Variants in SCEL observed in about 807,000 individuals in gnomAD.
SCEL encodes the protein sciellin.
A neutral mutation model predicts 117.6 loss-of-function variants in SCEL; 113 were observed. The observed-to-expected ratio is 0.96, with a 90% confidence interval of 0.83 to 1.12. The LOEUF (loss-of-function observed/expected upper bound fraction) is 1.12. Among genes scored for constraint, SCEL ranks in the 50% most tolerant of loss-of-function variants. The pLI, the probability that SCEL is intolerant of heterozygous loss-of-function variation, is 0.00. For synonymous variants in SCEL, 270 were observed against 256.2 expected (o/e 1.05, Z -0.51); for missense variants, 785 against 810.8 (o/e 0.97, Z 0.39).
At chr13:77,634,309 G>T in intron 28 of SCEL, 70 bp from the exon 29 acceptor site, 1 of 1,248,662 alleles carries the variant, frequency 8.0e-7, no homozygotes, top group East Asian at 2.4e-5. Context: ...CATTGAATTA[G>T]AAAATAGCCT....
intron 1 of SCEL, among the ~76,000 whole-genome samples, chr13:77,548,861 C>G (rs1437707808): frequency 6.6e-6 from 1 of 152,158 alleles, no homozygotes; most frequent in Non-Finnish European, 1.5e-5. Flanking sequence ...CCAATTAAAC[C>G]TCTTTCCTTT....
intron 19 of SCEL, among the ~76,000 whole-genome samples, chr13:77,607,035 CTTTAT>C (rs1013490347): frequency 2.0e-5 from 3 of 152,100 alleles, no homozygotes; most frequent in African/African-American, 7.2e-5. Context: ...CTGTGTGGAA[CTTTAT>C]TTTATTTTAT....
At chr13:77,580,298 T>A (rs1023101256) in intron 9 of SCEL, among the ~76,000 whole-genome samples, 2 of 152,246 alleles carry the variant, frequency 1.3e-5, no homozygotes, top group African/African-American at 4.8e-5. Context: ...GAAAGCCTGA[T>A]GCAAAGCGTG....
intron 27 of SCEL, among the ~76,000 whole-genome samples, chr13:77,618,493 T>C (rs1304960118): frequency 1.3e-5 from 2 of 150,812 alleles, no homozygotes; most frequent in African/African-American, 4.8e-5. Context: ...TTTTTTTCTT[T>C]TCTTCTTTTC....
chr13:77,570,644 G>A (rs1480370909), intron 8 of SCEL, among the ~76,000 whole-genome samples: 1 of 152,090 alleles, frequency 6.6e-6, no homozygotes, highest in Non-Finnish European at 1.5e-5. Context: ...CTTTTCTTCT[G>A]TAGTGCATAT....
chr13:77,556,099 A>G (rs1792046475), intron 2 of SCEL, among the ~76,000 whole-genome samples, 181 bp downstream of exon 2: 1 of 152,244 alleles, frequency 6.6e-6, no homozygotes, highest in African/African-American at 2.4e-5. Flanking sequence ...ATGTAATTGG[A>G]ATTCAATTTT....
At chr13:77,598,567 T>A (rs1011242868) in intron 13 of SCEL, among the ~76,000 whole-genome samples, 1 of 152,216 alleles carries the variant, frequency 6.6e-6, no homozygotes, top group Admixed American at 6.5e-5. Context: ...GCAAATGCCC[T>A]GTCTGAGCAC....
At chr13:77,557,894 G>T (rs568675982) in intron 3 of SCEL, among the ~76,000 whole-genome samples, 1 of 152,294 alleles carries the variant, frequency 6.6e-6, no homozygotes, top group African/African-American at 2.4e-5. Flanking sequence ...ATGGTTATTT[G>T]AGGGGCATTC....
chr13:77,583,790 C>T (rs2086399908), intron 9 of SCEL, among the ~76,000 whole-genome samples: 1 of 152,164 alleles, frequency 6.6e-6, no homozygotes, highest in African/African-American at 2.4e-5. Flanking sequence ...CAGTAATAGA[C>T]ATGTTCACAC....
chr13:77,637,265 T>TAC (rs1173282532), intron 30 of SCEL, 71 bp downstream of exon 30: 5 of 378,270 alleles, frequency 1.3e-5, no homozygotes, highest in Admixed American at 4.6e-5. Context: ...TATATATATA[T>TAC]ATACACACAC....
chr13:77,550,207 A>G (rs2084227938), intron 1 of SCEL, among the ~76,000 whole-genome samples: 1 of 151,860 alleles, frequency 6.6e-6, no homozygotes, highest in East Asian at 1.9e-4. Flanking sequence ...CCAACATGGC[A>G]AAACTGCGTG....
intron 27 of SCEL, among the ~76,000 whole-genome samples, chr13:77,620,146 T>C (rs1370730816): frequency 6.6e-6 from 1 of 152,208 alleles, no homozygotes; most frequent in East Asian, 1.9e-4. Flanking sequence ...GTCTAATTAT[T>C]CTTTAGTAGT....
intron 22 of SCEL, 84 bp downstream of exon 22, chr13:77,610,190 C>T (rs1406643349): frequency 7.7e-5 from 73 of 943,654 alleles, no homozygotes; most frequent in East Asian, 1.4e-4. Context: ...CGGTGGCTTA[C>T]GCCTGTAATC....
intron 7 of SCEL, among the ~76,000 whole-genome samples, chr13:77,569,044 T>C (rs1567360961): frequency 6.6e-6 from 1 of 152,192 alleles, no homozygotes; most frequent in Non-Finnish European, 1.5e-5. Context: ...CATAATTAGT[T>C]AGTCACAATA....
Position 77,599,740 on chromosome 13 carries a change from T to C in SCEL, c.909T>C (p.Asp303=). 1 of 1,609,070 alleles carries C rather than the reference T, an allele frequency of 6.2e-7. No individual in the cohort carries two copies. The highest frequency in any genetic ancestry group is 8.5e-7 in the Non-Finnish European group (1 of 1,175,408). ...ATATGAGTACCCGGACAGATAAAGATGGCAAAGGGTAAGATTTTATTAAGA... is the reference window on the plus strand; with the variant it reads ...ATATGAGTACCCGGACAGATAAAGACGGCAAAGGGTAAGATTTTATTAAGA... ...LIYMSTRTDK[D]GKGIQSLGSP... The change falls in exon 15 of 33, where the codon GAT becomes GAC. Residue 303 remains aspartate (D), a synonymous_variant. Coordinates refer to ENST00000349847, the MANE Select transcript of SCEL (RefSeq NM_144777.3).
intron 32 of SCEL, 59 bp downstream of exon 32, chr13:77,642,867 C>A: frequency 1.2e-6 from 1 of 845,916 alleles, no homozygotes; most frequent in Non-Finnish European, 1.8e-6. Context: ...CATTTGGTAT[C>A]ATTTAAAATG....
intron 20 of SCEL, 132 bp downstream of exon 20, chr13:77,608,247 C>A: frequency 1.6e-6 from 1 of 611,604 alleles, no homozygotes. Flanking sequence ...AGCTTGGTGT[C>A]TTTGAACAAG....
chr13:77,553,251 C>G (rs1360459334), intron 1 of SCEL, among the ~76,000 whole-genome samples: 1 of 152,192 alleles, frequency 6.6e-6, no homozygotes, highest in Non-Finnish European at 1.5e-5. Context: ...GAAACAGTCT[C>G]TTGGGAGGTA....
At position 77,555,978 on chromosome 13, in the gene SCEL, C is replaced by T. The variant is rs1465966623; in HGVS notation, c.43+60C>T. On this transcript the variant is annotated intron_variant, in intron 2 of 32. Coordinates refer to ENST00000349847, the MANE Select transcript of SCEL (RefSeq NM_144777.3). ...TTTAAAATTTTGGAAAAACAACTCA[C>T]AGATCTCAATTCTTTAATACAGATA... 28 of 1,271,030 alleles carry T rather than the reference C, an allele frequency of 2.2e-5. No individual in the cohort carries two copies. The South Asian group carries it at 2.5e-4, about 12-fold the overall frequency. 78.7% of individuals were successfully genotyped at this position (1,271,030 alleles called of 1,614,324 possible).
Sources: allele counts gnomAD v4.1 joint callset (sites outside exome capture counted in the v4.1 genomes callset), GRCh38; gene constraint gnomAD v4.1.1; transcripts MANE v1.5; gene names NCBI Gene and HGNC (gene_info 2026-07-23, HGNC 2026-07-21).